SYT1: variants seen among roughly 807,000 people sequenced by gnomAD.
SYT1 encodes synaptotagmin-1.
A neutral mutation model predicts 44.8 loss-of-function variants in SYT1; 8 were observed. The observed-to-expected ratio is 0.18, with a 90% CI of 0.10 to 0.32. The LOEUF (loss-of-function observed/expected upper bound fraction) is 0.32, where lower values mean the gene tolerates loss of function less well. Among genes scored for constraint, SYT1 ranks in the 10% least tolerant of loss-of-function variants. SYT1 has a pLI of 1.00. For synonymous variants in SYT1, 154 were observed against 188.8 expected (o/e 0.82, Z 1.51); for missense variants, 286 against 509.3 (o/e 0.56, Z 4.22).
chr12:78,865,549 T>G, intron 1 of SYT1, among the ~76,000 whole-genome samples: 1 of 111,706 alleles, frequency 9.0e-6, no homozygotes, highest in African/African-American at 3.6e-5. Context: ...TTTCTTTCTG[T>G]TGGGGAGAGG....
intron 1 of SYT1, among the ~76,000 whole-genome samples, chr12:78,967,078 A>G (rs1299967300): frequency 6.6e-6 from 1 of 152,152 alleles, no homozygotes; most frequent in Non-Finnish European, 1.5e-5. Flanking sequence ...CAATGATGAC[A>G]TATTTTCTGA....
intron 8 of SYT1, among the ~76,000 whole-genome samples, chr12:79,315,974 C>A (rs897719477): frequency 6.6e-6 from 1 of 152,178 alleles, no homozygotes; most frequent in African/African-American, 2.4e-5. Flanking sequence ...AGAGATTCCC[C>A]CAAGTTGCTC....
At chr12:79,279,975 G>C (rs1878957592) in intron 4 of SYT1, among the ~76,000 whole-genome samples, 1 of 152,002 alleles carries the variant, frequency 6.6e-6, no homozygotes. Context: ...ACAAAACACT[G>C]ATAAAAGAAA....
At chr12:79,202,377 C>T (rs534850265) in intron 3 of SYT1, among the ~76,000 whole-genome samples, 3 of 152,114 alleles carry the variant, frequency 2.0e-5, no homozygotes, top group African/African-American at 2.4e-5. Context: ...TTCTTAACCC[C>T]GCTTTCTTAA....
At chr12:79,213,753 C>G (rs1388908474) in intron 3 of SYT1, among the ~76,000 whole-genome samples, 1 of 152,024 alleles carries the variant, frequency 6.6e-6, no homozygotes, top group Non-Finnish European at 1.5e-5. Context: ...GGTGAAACTC[C>G]GTCTCTACTG....
At chr12:79,023,779 A>ATCTCTC (rs745664885) in intron 2 of SYT1, among the ~76,000 whole-genome samples, 3 of 150,388 alleles carry the variant, frequency 2.0e-5, no homozygotes, top group African/African-American at 7.3e-5. Context: ...TTATTATTCC[A>ATCTCTC]TCTCTCTCTC....
chr12:78,878,841 G>A (rs1874308265), intron 1 of SYT1, among the ~76,000 whole-genome samples: 1 of 151,666 alleles, frequency 6.6e-6, no homozygotes, highest in African/African-American at 2.4e-5. Flanking sequence ...AGTGTCCTCT[G>A]ATTTACATAG....
At chr12:79,065,924 G>T (rs901805924) in intron 3 of SYT1, among the ~76,000 whole-genome samples, 2 of 152,042 alleles carry the variant, frequency 1.3e-5, no homozygotes, top group Admixed American at 6.6e-5. Context: ...AGGAAAGTTA[G>T]TGCCCTAGAT....
intron 1 of SYT1, among the ~76,000 whole-genome samples, chr12:78,876,752 T>C (rs1304601820): frequency 8.3e-5 from 8 of 95,884 alleles, no homozygotes; most frequent in Non-Finnish European, 1.3e-4. Context: ...TTATATATTG[T>C]ATATTATATA....
At chr12:79,092,025 A>G (rs1234513806) in intron 3 of SYT1, among the ~76,000 whole-genome samples, 1 of 151,896 alleles carries the variant, frequency 6.6e-6, no homozygotes, top group African/African-American at 2.4e-5. Flanking sequence ...TGGGAAGCCA[A>G]TCCAAGGAGG....
chr12:79,046,757 T>C (rs1457710875), intron 2 of SYT1, among the ~76,000 whole-genome samples: 2 of 152,016 alleles, frequency 1.3e-5, no homozygotes, highest in African/African-American at 4.8e-5. Context: ...TTATCCTATG[T>C]ACTAGAATAG....
chr12:79,102,185 A>T (rs79314647), intron 3 of SYT1, among the ~76,000 whole-genome samples: 3,736 of 152,088 alleles, frequency 0.025, 120 homozygotes, highest in South Asian at 0.11. Flanking sequence ...TCTGCAAAAA[A>T]TGCTTTATAA....
At chr12:79,078,683 T>A (rs1876826386) in intron 3 of SYT1, among the ~76,000 whole-genome samples, 1 of 152,048 alleles carries the variant, frequency 6.6e-6, no homozygotes, top group Non-Finnish European at 1.5e-5. Context: ...CCTGATGCTC[T>A]CCCTCCCTCA....
intron 4 of SYT1, among the ~76,000 whole-genome samples, chr12:79,251,225 G>C (rs1877193401): frequency 6.6e-6 from 1 of 152,026 alleles, no homozygotes; most frequent in Non-Finnish European, 1.5e-5. Context: ...CACCCTTAAA[G>C]AAGGGAAGAA....
In SYT1 at chr12:78,953,630, T is replaced by G. The variant is rs146980064; in HGVS notation, c.-216-24169T>G. On this transcript the variant is annotated intron_variant, in intron 1 of 10. Coordinates refer to ENST00000261205, the MANE Select transcript of SYT1 (RefSeq NM_005639.3). ...AGAGTCAGGCATTCAGCAAACACAA[T>G]TTTTTGTAAAATTTGAAAACCCAAA... Among the ~76,000 whole-genome samples the G allele has an allele frequency of 5.6e-3, 858 of 152,172 alleles. 8 individuals carry two copies. Among genetic ancestry groups the G allele is most frequent in the African/African-American group, 0.02 (812 of 41,540 alleles).
intron 9 of SYT1, among the ~76,000 whole-genome samples, chr12:79,418,305 T>C (rs1053429990): frequency 8.5e-5 from 13 of 152,170 alleles, no homozygotes; most frequent in Non-Finnish European, 1.5e-4. Flanking sequence ...TCATAAGGTG[T>C]TGTTAAAAAT....
chr12:79,426,650 G>C (rs918662713), intron 9 of SYT1, among the ~76,000 whole-genome samples: 23 of 152,020 alleles, frequency 1.5e-4, no homozygotes, highest in African/African-American at 5.3e-4. Flanking sequence ...GCTCACTCCA[G>C]GAAGCTATCA....
intron 1 of SYT1, among the ~76,000 whole-genome samples, chr12:78,939,659 C>G (rs891104365): frequency 6.6e-6 from 1 of 152,192 alleles, no homozygotes; most frequent in Non-Finnish European, 1.5e-5. Context: ...ATGAGAGAAA[C>G]TGGGACTCTA....
intron 8 of SYT1, among the ~76,000 whole-genome samples, chr12:79,307,500 G>A (rs112616613): frequency 0.01 from 1,587 of 152,152 alleles, 21 homozygotes; most frequent in Middle Eastern, 0.044. Context: ...CTGACCTTCC[G>A]AGCTGGCGGG....
Sources: gnomAD v4.1 joint callset for allele counts (sites outside exome capture counted in the v4.1 genomes callset) on GRCh38, gnomAD v4.1.1 for gene constraint, MANE v1.5 for transcripts, NCBI Gene and HGNC (gene_info 2026-07-23, HGNC 2026-07-21) for gene names.